Variants in UTS2B observed in about 807,000 individuals in gnomAD.
UTS2B encodes urotensin-2B.
A neutral mutation model predicts 19.2 loss-of-function variants in UTS2B; 21 were observed. The ratio of observed to expected loss-of-function variants is 1.09; its 90% confidence interval spans 0.78 to 1.58. UTS2B has a LOEUF of 1.58. UTS2B is among the 40% of genes most tolerant of loss of function. The pLI is 0.00. For synonymous variants in UTS2B, 57 were observed against 50.2 expected (o/e 1.14, Z -0.58); for missense variants, 138 against 130.3 (o/e 1.06, Z -0.29).
intron 8 of UTS2B, among the ~76,000 whole-genome samples, chr3:191,271,479 G>C (rs967267153): frequency 1.7e-4 from 26 of 152,180 alleles, no homozygotes; most frequent in African/African-American, 5.8e-4. Flanking sequence ...TGTGCAGTGA[G>C]CTGTAGGACC....
intron 8 of UTS2B, among the ~76,000 whole-genome samples, chr3:191,273,847 A>C (rs914458361): frequency 4.6e-5 from 7 of 152,178 alleles, no homozygotes; most frequent in Non-Finnish European, 8.8e-5. Flanking sequence ...TTTACACTTC[A>C]TGTGTAATTC....
the UTS2B span, among the ~76,000 whole-genome samples, chr3:191,342,999 T>A: frequency 1.3e-5 from 2 of 152,170 alleles, no homozygotes; most frequent in Non-Finnish European, 2.9e-5. Context: ...ACAGTGTGGG[T>A]TTGAACTGTG....
chr3:191,303,499 T>A (rs371633458), intron 4 of UTS2B, among the ~76,000 whole-genome samples: 26 of 151,172 alleles, frequency 1.7e-4, no homozygotes, highest in African/African-American at 6.3e-4. Context: ...AGATAAAAAT[T>A]TGGGCAGTAG....
intron 1 of UTS2B, chr3:191,329,487 G>A (rs1041157879): frequency 1.9e-6 from 1 of 517,520 alleles, no homozygotes; most frequent in Non-Finnish European, 3.3e-6. Flanking sequence ...TTGGTGCCTC[G>A]GGGACCGTCT....
chr3:191,270,248 G>C (rs2108564969), intron 8 of UTS2B, among the ~76,000 whole-genome samples: 1 of 152,306 alleles, frequency 6.6e-6, no homozygotes, highest in South Asian at 2.1e-4. Flanking sequence ...CGAAGCTGGA[G>C]TGCAGTGGCA....
chr3:191,325,704 G>A (rs1717728049), intron 2 of UTS2B, among the ~76,000 whole-genome samples: 1 of 152,202 alleles, frequency 6.6e-6, no homozygotes, highest in South Asian at 2.1e-4. Flanking sequence ...CTGTCCCTAA[G>A]ATTCACATGT....
At chr3:191,340,524 A>G in the UTS2B span, among the ~76,000 whole-genome samples, 22 of 152,308 alleles carry the variant, frequency 1.4e-4, 1 homozygote, top group East Asian at 2.7e-3. Context: ...ACTTCTACTC[A>G]ACAGTTTTCC....
chr3:191,299,796 G>A (rs1233512992), intron 4 of UTS2B, among the ~76,000 whole-genome samples: 1 of 152,244 alleles, frequency 6.6e-6, no homozygotes, highest in African/African-American at 2.4e-5. Flanking sequence ...GCACCTGGAA[G>A]AGCCACAAGA....
upstream of UTS2B, chr3:191,330,538 T>C (rs1313372878): frequency 6.6e-6 from 1 of 152,182 alleles, no homozygotes; most frequent in Non-Finnish European, 1.5e-5. Flanking sequence ...CCTTGAGTTA[T>C]CTTTGTTTAT....
At chr3:191,339,668 C>G in the UTS2B span, among the ~76,000 whole-genome samples, 3 of 152,164 alleles carry the variant, frequency 2.0e-5, no homozygotes, top group Non-Finnish European at 4.4e-5. Context: ...TTGACTTTCC[C>G]AGGCTGTACT....
At chr3:191,296,828 G>C (rs1165035888) in intron 4 of UTS2B, among the ~76,000 whole-genome samples, 1 of 152,198 alleles carries the variant, frequency 6.6e-6, no homozygotes, top group African/African-American at 2.4e-5. Flanking sequence ...AAGATAGCAA[G>C]AGAAATCCAA....
chr3:191,313,255 A>T (rs1231638157), intron 3 of UTS2B, among the ~76,000 whole-genome samples: 1 of 152,212 alleles, frequency 6.6e-6, no homozygotes, highest in East Asian at 1.9e-4. Context: ...TCGGCCTCCC[A>T]AAGTGCTGGG....
At chr3:191,312,853 A>C (rs1000071753) in intron 3 of UTS2B, among the ~76,000 whole-genome samples, 4 of 152,192 alleles carry the variant, frequency 2.6e-5, no homozygotes, top group African/African-American at 9.7e-5. Context: ...AAGTGCTAAC[A>C]CTTTACTGGG....
intron 4 of UTS2B, among the ~76,000 whole-genome samples, chr3:191,297,859 T>C (rs1716896554): frequency 6.6e-6 from 1 of 152,274 alleles, no homozygotes; most frequent in Non-Finnish European, 1.5e-5. Flanking sequence ...ATTGTGATAA[T>C]GCACTTAAAT....
intron 3 of UTS2B, among the ~76,000 whole-genome samples, chr3:191,311,878 G>C (rs924038410): frequency 6.6e-6 from 1 of 152,016 alleles, no homozygotes; most frequent in Non-Finnish European, 1.5e-5. Flanking sequence ...AGTGGCTCAC[G>C]CCTGTAATCC....
chr3:191,276,850 A>C lies in UTS2B; in HGVS notation c.203-6T>G, dbSNP rs372162287. ...TTTGTTAGGTAAGGCTAGGTCTGCAAGACACATTTGTCACATGAAAAAACG... is the reference window on the plus strand; with the variant it reads ...TTTGTTAGGTAAGGCTAGGTCTGCACGACACATTTGTCACATGAAAAAACG... On this transcript the variant is annotated splice_polypyrimidine_tract_variant and splice_region_variant and intron_variant, in intron 6 of 8. Transcript: ENST00000340524. The C allele has an allele frequency of 1.9e-6, 3 of 1,610,718 alleles. No individual in the cohort carries two copies. The highest frequency in any genetic ancestry group is 1.7e-4 in the Middle Eastern group (1 of 6,054).
intron 4 of UTS2B, among the ~76,000 whole-genome samples, chr3:191,290,256 G>A (rs192378009): frequency 1.3e-4 from 20 of 152,234 alleles, no homozygotes; most frequent in African/African-American, 4.8e-4. Context: ...AATAAAAGCA[G>A]ATGTTTACTA....
intron 4 of UTS2B, among the ~76,000 whole-genome samples, chr3:191,303,424 G>T (rs1272332666): frequency 6.6e-6 from 1 of 151,822 alleles, no homozygotes; most frequent in African/African-American, 2.4e-5. Context: ...TTTAGCATGA[G>T]ATATCTCTAA....
intron 4 of UTS2B, among the ~76,000 whole-genome samples, chr3:191,298,685 T>C (rs1716919231): frequency 6.6e-6 from 1 of 152,200 alleles, no homozygotes; most frequent in South Asian, 2.1e-4. Flanking sequence ...GTTATAAAGA[T>C]ACCTGAAAAT....
Sources: allele counts gnomAD v4.1 joint callset (sites outside exome capture counted in the v4.1 genomes callset), GRCh38; gene constraint gnomAD v4.1.1; transcripts MANE v1.5; gene names NCBI Gene and HGNC (gene_info 2026-07-23, HGNC 2026-07-21).